Variants in SH3RF2 observed in about 807,000 individuals in gnomAD.
SH3RF2 encodes the protein E3 ubiquitin-protein ligase SH3RF2.
In SH3RF2, 43 loss-of-function variants were observed where a neutral mutation model predicts 59.0. The observed-to-expected ratio is 0.73, with a 90% CI of 0.57 to 0.94. The LOEUF (loss-of-function observed/expected upper bound fraction) is 0.94, where lower values mean the gene tolerates loss of function less well. Among genes scored for constraint, SH3RF2 ranks in the 40% least tolerant of loss-of-function variants. SH3RF2 has a pLI of 0.00. For synonymous variants in SH3RF2, 391 were observed against 391.5 expected, an observed-to-expected ratio of 1.00 and a Z score of 0.01; for missense variants, 930 against 940.1, an observed-to-expected ratio of 0.99 and a Z score of 0.14.
chr5:146,051,914 G>C (rs141385780), intron 7 of SH3RF2, among the ~76,000 whole-genome samples: 25 of 152,314 alleles, frequency 1.6e-4, no homozygotes, highest in African/African-American at 6.0e-4. Context: ...GACTTGGAGA[G>C]TAAATGCTGA....
At chr5:145,967,136 AATG>A (rs1170959417) in intron 2 of SH3RF2, among the ~76,000 whole-genome samples, 1 of 152,238 alleles carries the variant, frequency 6.6e-6, no homozygotes, top group African/African-American at 2.4e-5. Flanking sequence ...CTATTGAAAC[AATG>A]ATATTAGAAC....
At chr5:145,980,208 G>A (rs573050298) in intron 2 of SH3RF2, among the ~76,000 whole-genome samples, 12 of 152,274 alleles carry the variant, frequency 7.9e-5, no homozygotes, top group African/African-American at 2.4e-4. Flanking sequence ...AGTAACAAAC[G>A]ACAAGAGTTG....
intron 9 of SH3RF2, among the ~76,000 whole-genome samples, chr5:146,069,636 C>A (rs1390558826): frequency 6.6e-6 from 1 of 152,158 alleles, no homozygotes; most frequent in Non-Finnish European, 1.5e-5. Flanking sequence ...TGCAGTGGCA[C>A]AATCTCGGCT....
intron 2 of SH3RF2, among the ~76,000 whole-genome samples, chr5:145,990,143 G>A (rs1466985719): frequency 1.3e-5 from 2 of 152,068 alleles, no homozygotes; most frequent in Non-Finnish European, 2.9e-5. Flanking sequence ...TTTAATCTAG[G>A]AGTTCAGATT....
intron 2 of SH3RF2, among the ~76,000 whole-genome samples, chr5:145,967,946 C>T (rs755607988): frequency 2.0e-5 from 3 of 152,174 alleles, no homozygotes; most frequent in Non-Finnish European, 2.9e-5. Flanking sequence ...AGGCATGAGC[C>T]ACCACGCCCA....
At chr5:145,997,274 TG>T in intron 2 of SH3RF2, 1 of 980,144 alleles carries the variant, frequency 1.0e-6, no homozygotes, top group Non-Finnish European at 1.7e-6. Context: ...TAAATGTACA[TG>T]GAACCAAAGA....
At chr5:146,048,720 T>C (rs1230526744) in intron 6 of SH3RF2, among the ~76,000 whole-genome samples, 1 of 152,178 alleles carries the variant, frequency 6.6e-6, no homozygotes, top group Admixed American at 6.5e-5. Flanking sequence ...ATCAGGTAGC[T>C]ATTCCCACCT....
At chr5:146,030,994 C>T (rs1761723153) in intron 5 of SH3RF2, among the ~76,000 whole-genome samples, 1 of 152,124 alleles carries the variant, frequency 6.6e-6, no homozygotes. Flanking sequence ...TTTGCAGATC[C>T]CTGGGCTAAA....
At chr5:145,971,776 C>G (rs1400493196) in intron 2 of SH3RF2, among the ~76,000 whole-genome samples, 1 of 152,026 alleles carries the variant, frequency 6.6e-6, no homozygotes, top group Admixed American at 6.5e-5. Context: ...TATTGGTAAA[C>G]AAAGCTACCA....
chr5:146,064,774 G>GGAAGGAAAGAAA (rs1561773656), downstream of SH3RF2, among the ~76,000 whole-genome samples: 10 of 34,494 alleles, frequency 2.9e-4, no homozygotes, highest in African/African-American at 1.2e-3. Context: ...AAGGAAGGAA[G>GGAAGGAAAGAAA]GAAAGGAAGG....
At chr5:146,041,845 C>A (rs1284947610) in intron 5 of SH3RF2, among the ~76,000 whole-genome samples, 1 of 152,100 alleles carries the variant, frequency 6.6e-6, no homozygotes, top group Non-Finnish European at 1.5e-5. Flanking sequence ...GCGGGAGGAT[C>A]GATTGAACCC....
chr5:145,997,972 C>T, intron 2 of SH3RF2: 1 of 772,100 alleles, frequency 1.3e-6, no homozygotes. Context: ...CACAGGTGGT[C>T]CCACCCAGAA....
intron 5 of SH3RF2, among the ~76,000 whole-genome samples, chr5:146,015,113 T>C (rs916884335): frequency 2.0e-5 from 3 of 152,168 alleles, no homozygotes; most frequent in Non-Finnish European, 2.9e-5. Context: ...ACCTTGGGAT[T>C]AAAAGGCTTA....
intron 9 of SH3RF2, among the ~76,000 whole-genome samples, chr5:146,073,788 A>G (rs1763284458): frequency 6.6e-6 from 1 of 152,202 alleles, no homozygotes; most frequent in Admixed American, 6.5e-5. Context: ...AGTAAATGGC[A>G]AAGAAGCAGG....
intron 7 of SH3RF2, among the ~76,000 whole-genome samples, chr5:146,054,667 T>G (rs1762608658): frequency 1.3e-5 from 2 of 152,232 alleles, no homozygotes. Flanking sequence ...AATATACTTC[T>G]CAGGCAGCAC....
At chr5:146,081,211 G>A (rs1265335249) in exon 10 of SH3RF2, 1 of 152,056 alleles carries the variant, frequency 6.6e-6, no homozygotes, top group Non-Finnish European at 1.5e-5. Context: ...GATATTTAAT[G>A]TCAGAGTTAT....
chr5:146,060,306 G>A (rs990128352), intron 9 of SH3RF2, 82 bp downstream of exon 9: 6 of 1,364,212 alleles, frequency 4.4e-6, no homozygotes, highest in Non-Finnish European at 4.9e-6. Flanking sequence ...TTTTAGTGTT[G>A]GTGAACAAGG....
chr5:146,008,083 G>A (rs1471322394), intron 4 of SH3RF2, among the ~76,000 whole-genome samples: 1 of 152,172 alleles, frequency 6.6e-6, no homozygotes, highest in Non-Finnish European at 1.5e-5. Context: ...TTATTGAATT[G>A]CACCCGCATT....
intron 7 of SH3RF2, among the ~76,000 whole-genome samples, chr5:146,053,031 G>A (rs1171268827): frequency 6.6e-6 from 1 of 152,168 alleles, no homozygotes; most frequent in African/African-American, 2.4e-5. Flanking sequence ...GCCCAAAGGT[G>A]TGAGCATTTG....
Sources: gnomAD v4.1 joint callset for allele counts (sites outside exome capture counted in the v4.1 genomes callset) on GRCh38, gnomAD v4.1.1 for gene constraint, MANE v1.5 for transcripts, NCBI Gene and HGNC (gene_info 2026-07-23, HGNC 2026-07-21) for gene names.